Variants in CTNND2 observed in about 807,000 individuals in gnomAD.
CTNND2 encodes catenin delta-2.
CTNND2 carries 22 observed loss-of-function variants against 144.4 expected under a neutral mutation model. The observed-to-expected ratio is 0.15, with a 90% CI of 0.11 to 0.22. The LOEUF (loss-of-function observed/expected upper bound fraction) is 0.22. CTNND2 is among the 10% of genes least tolerant of loss of function. The probability of loss-of-function intolerance (pLI) is 1.00; values close to 1 mark genes in which losing one functional copy is unlikely to be tolerated. For synonymous variants in CTNND2, 751 were observed against 695.6 expected (o/e 1.08, Z -1.25); for missense variants, 1,353 against 1,618.8 (o/e 0.84, Z 2.82).
chr5:11,016,375 A>T (rs549157970), intron 18 of CTNND2, among the ~76,000 whole-genome samples: 1 of 152,400 alleles, frequency 6.6e-6, no homozygotes. Flanking sequence ...AAGGGAAGTT[A>T]GAAAGGCCTT....
chr5:11,394,951 C>T (rs1346227915), intron 6 of CTNND2, among the ~76,000 whole-genome samples: 1 of 152,176 alleles, frequency 6.6e-6, no homozygotes, highest in Admixed American at 6.5e-5. Context: ...TGACCATACT[C>T]ACTTGGTCTG....
intron 16 of CTNND2, among the ~76,000 whole-genome samples, chr5:11,042,603 C>T (rs116143070): frequency 0.025 from 3,816 of 152,306 alleles, 65 homozygotes; most frequent in Middle Eastern, 0.065. Context: ...CTGGGACTTA[C>T]CAGCCAAGCC....
chr5:11,229,895 T>G (rs1473223683), intron 10 of CTNND2, among the ~76,000 whole-genome samples: 2 of 151,882 alleles, frequency 1.3e-5, no homozygotes, highest in Non-Finnish European at 2.9e-5. Flanking sequence ...CTCTGGTGTG[T>G]GCATTGGAAG....
intron 3 of CTNND2, among the ~76,000 whole-genome samples, chr5:11,512,076 A>T (rs146141158): frequency 1.2e-3 from 176 of 152,150 alleles, no homozygotes; most frequent in African/African-American, 4.1e-3. Flanking sequence ...GATTGATCTC[A>T]CCTCTCCCTC....
At chr5:11,241,259 A>G (rs1432904733) in intron 9 of CTNND2, among the ~76,000 whole-genome samples, 1 of 152,156 alleles carries the variant, frequency 6.6e-6, no homozygotes, top group Non-Finnish European at 1.5e-5. Flanking sequence ...GTGGCTTAAG[A>G]TTCTCCAGTG....
chr5:11,348,091 A>G (rs995507858), intron 8 of CTNND2, among the ~76,000 whole-genome samples: 1 of 152,200 alleles, frequency 6.6e-6, no homozygotes, highest in Non-Finnish European at 1.5e-5. Context: ...TATAAACAAA[A>G]AGTGCATATA....
intron 16 of CTNND2, among the ~76,000 whole-genome samples, chr5:11,082,236 T>G (rs1749649029): frequency 6.6e-6 from 1 of 152,194 alleles, no homozygotes; most frequent in Admixed American, 6.5e-5. Context: ...GCCTTATTAA[T>G]AAAAGATCCT....
chr5:11,891,184 C>T (rs1560974732), intron 1 of CTNND2, among the ~76,000 whole-genome samples: 1 of 152,218 alleles, frequency 6.6e-6, no homozygotes. Flanking sequence ...TAAATACAGA[C>T]ATGTGGGTCT....
intron 9 of CTNND2, among the ~76,000 whole-genome samples, chr5:11,292,583 C>T (rs919238852): frequency 2.6e-5 from 4 of 152,164 alleles, no homozygotes; most frequent in Admixed American, 1.3e-4. Flanking sequence ...GACAGTTCCT[C>T]CTTCACACAC....
intron 2 of CTNND2, among the ~76,000 whole-genome samples, chr5:11,619,243 A>G (rs1016691584): frequency 2.0e-5 from 3 of 152,068 alleles, no homozygotes; most frequent in Non-Finnish European, 4.4e-5. Flanking sequence ...ACCCATCTCT[A>G]CTAAAAATAC....
intron 1 of CTNND2, among the ~76,000 whole-genome samples, chr5:11,902,738 A>G (rs1403970484): frequency 6.6e-6 from 1 of 152,206 alleles, no homozygotes; most frequent in Non-Finnish European, 1.5e-5. Context: ...AACACCTGCC[A>G]GAGCTAAGGC....
At chr5:11,068,910 C>T (rs1747917722) in intron 16 of CTNND2, among the ~76,000 whole-genome samples, 1 of 152,176 alleles carries the variant, frequency 6.6e-6, no homozygotes, top group Non-Finnish European at 1.5e-5. Flanking sequence ...GAGCGAGACT[C>T]CGTCTCAAAA....
At chr5:11,700,008 T>A (rs935366182) in intron 2 of CTNND2, among the ~76,000 whole-genome samples, 12 of 152,214 alleles carry the variant, frequency 7.9e-5, no homozygotes, top group African/African-American at 2.2e-4. Flanking sequence ...ATTTTGGGTT[T>A]TAAAATATGT....
At chr5:11,085,419 C>G (rs1750026926) in intron 15 of CTNND2, among the ~76,000 whole-genome samples, 1 of 152,016 alleles carries the variant, frequency 6.6e-6, no homozygotes, top group Non-Finnish European at 1.5e-5. Flanking sequence ...CCAATTTGTC[C>G]AGATTTAGTA....
intron 8 of CTNND2, among the ~76,000 whole-genome samples, chr5:11,363,523 G>T (rs2149769468): frequency 6.6e-6 from 1 of 152,216 alleles, no homozygotes; most frequent in South Asian, 2.1e-4. Flanking sequence ...AAAAAATTCT[G>T]ACAGAAGAAC....
At chr5:11,845,320 A>C (rs1794683093) in intron 1 of CTNND2, among the ~76,000 whole-genome samples, 1 of 151,984 alleles carries the variant, frequency 6.6e-6, no homozygotes, top group African/African-American at 2.4e-5. Context: ...AATCTCATCT[A>C]CTCCATGGTG....
At chr5:11,541,378 A>C (rs1387115906) in intron 3 of CTNND2, among the ~76,000 whole-genome samples, 2 of 152,220 alleles carry the variant, frequency 1.3e-5, no homozygotes, top group African/African-American at 2.4e-5. Context: ...CATAAAGAAA[A>C]GTCATTCAGA....
intron 16 of CTNND2, among the ~76,000 whole-genome samples, chr5:11,080,379 C>T (rs1178686811): frequency 1.3e-5 from 2 of 152,160 alleles, no homozygotes; most frequent in African/African-American, 4.8e-5. Flanking sequence ...TATATTAGTA[C>T]AGCCACTACT....
At chr5:11,744,792 G>A (rs948379747) in intron 1 of CTNND2, among the ~76,000 whole-genome samples, 24 of 151,928 alleles carry the variant, frequency 1.6e-4, no homozygotes, top group African/African-American at 5.6e-4. Context: ...TGTTGCCCAG[G>A]CTGGAGTGCA....
Sources: gnomAD v4.1 joint callset for allele counts (sites outside exome capture counted in the v4.1 genomes callset) on GRCh38, gnomAD v4.1.1 for gene constraint, MANE v1.5 for transcripts, NCBI Gene and HGNC (gene_info 2026-07-23, HGNC 2026-07-21) for gene names.